KLF8: variants seen among roughly 807,000 people sequenced by gnomAD.
The protein encoded by KLF8 is Krueppel-like factor 8.
KLF8 carries 10 observed loss-of-function variants against 18.2 expected under a neutral mutation model. The observed-to-expected ratio is 0.55, with a 90% CI of 0.34 to 0.93. The LOEUF (loss-of-function observed/expected upper bound fraction) is 0.93. Among genes scored for constraint, KLF8 ranks in the 40% least tolerant of loss-of-function variants. KLF8 has a pLI of 0.02. For synonymous variants in KLF8, 109 were observed against 97.3 expected (o/e 1.12, Z -0.71); for missense variants, 264 against 277.9 (o/e 0.95, Z 0.36).
At chrX:56,125,089 A>G in the KLF8 span, among the ~76,000 whole-genome samples, 96 of 111,992 alleles carry the variant, frequency 8.6e-4, no homozygotes, top group African/African-American at 2.7e-3. Context: ...GGATTAGGGT[A>G]TGATCAGCAA....
chrX:56,215,589 G>A, the KLF8 span, among the ~76,000 whole-genome samples: 2 of 108,387 alleles, frequency 1.8e-5, no homozygotes, highest in Non-Finnish European at 3.8e-5. Context: ...TTGGGAGGCC[G>A]AGGCAGGTGG....
chrX:56,004,251 G>A, the KLF8 span, among the ~76,000 whole-genome samples: 1 of 112,332 alleles, frequency 8.9e-6, no homozygotes, highest in Non-Finnish European at 1.9e-5. Context: ...TTGAAATTAA[G>A]CCTTGCACAC....
the KLF8 span, among the ~76,000 whole-genome samples, chrX:56,138,741 C>T: frequency 9.0e-6 from 1 of 111,372 alleles, no homozygotes; most frequent in Non-Finnish European, 1.9e-5. Context: ...GAAACATTCT[C>T]CTTGAGAATC....
the KLF8 span, among the ~76,000 whole-genome samples, chrX:56,103,697 C>T: frequency 2.7e-5 from 3 of 111,124 alleles, no homozygotes; most frequent in African/African-American, 9.8e-5. Flanking sequence ...ATTGAATACA[C>T]TTTATTTCTT....
At chrX:56,049,194 T>A in the KLF8 span, among the ~76,000 whole-genome samples, 2 of 111,520 alleles carry the variant, frequency 1.8e-5, no homozygotes, top group Non-Finnish European at 1.9e-5. Context: ...TCTAGATATA[T>A]AATCATGTCA....
the KLF8 span, among the ~76,000 whole-genome samples, chrX:56,136,738 G>A: frequency 4.5e-5 from 5 of 111,210 alleles, no homozygotes; most frequent in Non-Finnish European, 7.6e-5. Flanking sequence ...GGCAACAAAA[G>A]CCAAAATTGA....
At chrX:56,029,761 C>T in the KLF8 span, among the ~76,000 whole-genome samples, 3 of 111,849 alleles carry the variant, frequency 2.7e-5, no homozygotes, top group East Asian at 8.4e-4. Flanking sequence ...GGTTACGCTG[C>T]AGACGTGAGC....
At chrX:56,200,756 A>G in the KLF8 span, among the ~76,000 whole-genome samples, 3 of 111,578 alleles carry the variant, frequency 2.7e-5, no homozygotes, top group African/African-American at 9.7e-5. Flanking sequence ...AATGCCTACA[A>G]CTCAACAGCA....
At position 56,290,508 on chromosome X, in the gene KLF8, G is replaced by T. The variant is rs2067312207; in HGVS notation, c.*6014G>T. On this transcript the variant is annotated 3_prime_UTR_variant, in exon 6 of 6. Transcript: ENST00000468660. ...ATATCTTCTTTGTTACTAACAATACGATTATCATCTGTTTCCATACTTGAA... is the reference window on the plus strand; with the variant it reads ...ATATCTTCTTTGTTACTAACAATACTATTATCATCTGTTTCCATACTTGAA... 9.0e-6 allele frequency among the ~76,000 whole-genome samples: 1 copy of T among 111,158 alleles called. No individual in the cohort carries two copies. Among genetic ancestry groups the T allele is most frequent in the Non-Finnish European group, 1.9e-5 (1 of 52,961 alleles).
the KLF8 span, chrX:55,908,707 C>A: frequency 1.1e-5 from 3 of 285,410 alleles, no homozygotes; most frequent in Admixed American, 6.3e-5. Flanking sequence ...GGAGTGAGGA[C>A]CCCGGGTCCA....
At chrX:56,080,199 A>T in the KLF8 span, among the ~76,000 whole-genome samples, 2 of 108,462 alleles carry the variant, frequency 1.8e-5, no homozygotes, top group Admixed American at 2.0e-4. Context: ...TTATGATGTT[A>T]GTTGGTTATT....
the KLF8 span, among the ~76,000 whole-genome samples, chrX:56,076,166 T>C: frequency 9.2e-6 from 1 of 108,255 alleles, no homozygotes; most frequent in Non-Finnish European, 1.9e-5. Flanking sequence ...ATACTTGAAG[T>C]TTTACGGTAC....
the KLF8 span, among the ~76,000 whole-genome samples, chrX:56,190,071 T>C: frequency 3.6e-5 from 4 of 110,817 alleles, no homozygotes; most frequent in Non-Finnish European, 5.7e-5. Context: ...CCTAGTGATT[T>C]GTTACCTGCA....
At chrX:56,222,322 C>T in the KLF8 span, among the ~76,000 whole-genome samples, 1 of 110,188 alleles carries the variant, frequency 9.1e-6, no homozygotes, top group Non-Finnish European at 1.9e-5. Flanking sequence ...TTCACAATCC[C>T]TTATCTAGAC....
the KLF8 span, among the ~76,000 whole-genome samples, chrX:56,006,617 G>T: frequency 7.1e-5 from 8 of 112,389 alleles, no homozygotes; most frequent in African/African-American, 2.6e-4. Context: ...TTATATGTCT[G>T]TTGGACATTT....
rs759377816 is a variant in KLF8, at chrX:56,269,362, C to G, written c.647-16C>G. 1.7e-6 allele frequency: 2 copies of G among 1,196,403 alleles called. No individual in the cohort carries two copies. Among genetic ancestry groups the G allele is most frequent in the South Asian group, 3.8e-5 (2 of 53,161 alleles). ...ATACATCTTCAGCTCACACTGCTCC[C>G]TTTCTTTGCTTTTAGTGAAAGTTGA... On this transcript the variant is annotated splice_polypyrimidine_tract_variant and intron_variant, in intron 3 of 5. Coordinates refer to ENST00000468660, the MANE Select transcript of KLF8 (RefSeq NM_007250.5).
At chrX:56,150,814 T>G in the KLF8 span, among the ~76,000 whole-genome samples, 1 of 111,763 alleles carries the variant, frequency 8.9e-6, no homozygotes, top group Non-Finnish European at 1.9e-5. Context: ...CCAAGATGTT[T>G]TATCTACATG....
the KLF8 span, among the ~76,000 whole-genome samples, chrX:55,928,635 C>G: frequency 9.0e-6 from 1 of 111,331 alleles, no homozygotes; most frequent in Non-Finnish European, 1.9e-5. Context: ...GTTTTCTGTT[C>G]CTGTTTTAGT....
intron 1 of KLF8, chrX:56,243,158 G>A: frequency 3.9e-6 from 2 of 516,835 alleles, no homozygotes; most frequent in Non-Finnish European, 7.1e-6. Context: ...GGCCGACACA[G>A]TGGTCAGCGG....
Sources: gnomAD v4.1 joint callset for allele counts (sites outside exome capture counted in the v4.1 genomes callset) on GRCh38, gnomAD v4.1.1 for gene constraint, MANE v1.5 for transcripts, NCBI Gene and HGNC (gene_info 2026-07-23, HGNC 2026-07-21) for gene names.